Variants in SH3RF2 observed in about 807,000 individuals in gnomAD.
SH3RF2 encodes E3 ubiquitin-protein ligase SH3RF2.
SH3RF2 carries 43 observed loss-of-function variants against 59.0 expected under a neutral mutation model. The ratio of observed to expected loss-of-function variants is 0.73; its 90% confidence interval spans 0.57 to 0.94. SH3RF2 has a LOEUF of 0.94. Among genes scored for constraint, SH3RF2 ranks in the 40% least tolerant of loss-of-function variants. SH3RF2 has a pLI of 0.00. For synonymous variants in SH3RF2, 391 were observed against 391.5 expected, an observed-to-expected ratio of 1.00 and a Z score of 0.01; for missense variants, 930 against 940.1, an observed-to-expected ratio of 0.99 and a Z score of 0.14.
At chr5:145,957,983 C>T (rs1300874419) in intron 2 of SH3RF2, among the ~76,000 whole-genome samples, 1 of 152,008 alleles carries the variant, frequency 6.6e-6, no homozygotes, top group Non-Finnish European at 1.5e-5. Flanking sequence ...CATGGTGGCG[C>T]ATGCCTGTAA....
intron 5 of SH3RF2, among the ~76,000 whole-genome samples, chr5:146,041,808 G>A (rs1425103410): frequency 6.6e-6 from 1 of 152,166 alleles, no homozygotes; most frequent in Non-Finnish European, 1.5e-5. Flanking sequence ...ATGCACATCT[G>A]TAGTCCCAGC....
chr5:146,049,214 T>C lies in SH3RF2; in HGVS notation c.1291T>C (p.Phe431Leu). 1.2e-6 allele frequency: 2 copies of C among 1,613,500 alleles called. No individual in the cohort carries two copies. The highest frequency in any genetic ancestry group is 1.7e-6 in the Non-Finnish European group (2 of 1,179,718). The stretch of plus-strand genomic sequence containing the variant: ...CTTGGTCACCGGGCGAGTCGGCATC[T>C]TCCCAAACAATTACGTCATCCCCAT... ...VSLVTGRVGIFPNNYVIPIFR... is the reference protein window; with the variant it reads ...VSLVTGRVGILPNNYVIPIFR... Residue 431 changes from phenylalanine to leucine, a missense_variant, in exon 7 of 10, where the codon TTC (phenylalanine) becomes CTC (leucine). By Grantham distance (22) the Phe-to-Leu change is conservative. Coordinates refer to ENST00000359120, the MANE Select transcript of SH3RF2 (RefSeq NM_152550.4).
At chr5:146,008,618 G>A (rs772399446) in intron 4 of SH3RF2, among the ~76,000 whole-genome samples, 7 of 152,188 alleles carry the variant, frequency 4.6e-5, no homozygotes, top group Non-Finnish European at 7.4e-5. Context: ...CAGCTGAAAC[G>A]AGCTTTTTAT....
intron 2 of SH3RF2, among the ~76,000 whole-genome samples, chr5:145,999,036 C>A (rs1205739904): frequency 6.9e-6 from 1 of 144,262 alleles, no homozygotes; most frequent in African/African-American, 2.5e-5. Flanking sequence ...AAAAAAAAAA[C>A]CTTAATGATG....
At chr5:145,966,053 C>A (rs1000188456) in intron 2 of SH3RF2, among the ~76,000 whole-genome samples, 1 of 152,122 alleles carries the variant, frequency 6.6e-6, no homozygotes, top group African/African-American at 2.4e-5. Flanking sequence ...GAAGCCATGA[C>A]CTCACTCCTG....
intron 7 of SH3RF2, among the ~76,000 whole-genome samples, chr5:146,053,756 G>A (rs79214906): frequency 0.015 from 2,296 of 152,108 alleles, 28 homozygotes; most frequent in Non-Finnish European, 0.023. Flanking sequence ...TGCAACTTTC[G>A]CAGACATATG....
chr5:145,997,956 A>G, intron 2 of SH3RF2: 2 of 786,534 alleles, frequency 2.5e-6, no homozygotes, highest in Non-Finnish European at 2.3e-6. Flanking sequence ...CCCCAAGTTC[A>G]TGGATCACAG....
chr5:146,062,578 T>G lies in SH3RF2; in HGVS notation c.2067T>G (p.Phe689Leu). ...ASLGPEMTVL[F>L]AHRSGCHSGQ... ...TGGGCCCAGAGATGACCGTCCTATT[T>G]GCCCACCGAAGTGGCTGCCACTCCG... Residue 689 changes from phenylalanine (F) to leucine (L), a missense_variant, in exon 10 of 10, where the codon TTT becomes TTG. By Grantham distance (22) the Phe-to-Leu change is conservative. Transcript: ENST00000359120. The G allele has an allele frequency of 6.2e-7, 1 of 1,614,148 alleles. No individual in the cohort carries two copies. Among genetic ancestry groups the G allele is most frequent in the Non-Finnish European group, 8.5e-7 (1 of 1,180,010 alleles).
intron 5 of SH3RF2, among the ~76,000 whole-genome samples, chr5:146,038,999 C>G: frequency 6.6e-6 from 1 of 152,116 alleles, no homozygotes; most frequent in East Asian, 1.9e-4. Flanking sequence ...GCTGGAGAAC[C>G]TAGAAACAGA....
chr5:146,045,887 T>C (rs1452247010), intron 5 of SH3RF2, among the ~76,000 whole-genome samples: 1 of 152,250 alleles, frequency 6.6e-6, no homozygotes, highest in Non-Finnish European at 1.5e-5. Flanking sequence ...TGTTTAATCA[T>C]ATTAGGAATT....
intron 6 of SH3RF2, among the ~76,000 whole-genome samples, chr5:146,048,677 G>A (rs889178217): frequency 6.6e-6 from 1 of 152,124 alleles, no homozygotes; most frequent in Admixed American, 6.5e-5. Flanking sequence ...CCTGAATCTG[G>A]CAAACCAATG....
chr5:146,022,684 C>A (rs1761369361), intron 5 of SH3RF2, among the ~76,000 whole-genome samples: 1 of 151,904 alleles, frequency 6.6e-6, no homozygotes, highest in Non-Finnish European at 1.5e-5. Flanking sequence ...ACCAGCCTGG[C>A]CAACATGGAG....
intron 6 of SH3RF2, among the ~76,000 whole-genome samples, chr5:146,048,541 CA>C (rs375814964): frequency 5.2e-4 from 79 of 151,904 alleles, no homozygotes; most frequent in African/African-American, 1.9e-3. Flanking sequence ...AAAAACAAAA[CA>C]AAAAAAACCT....
intron 3 of SH3RF2, among the ~76,000 whole-genome samples, chr5:146,001,269 C>G (rs547832266): frequency 2.0e-5 from 3 of 152,306 alleles, no homozygotes; most frequent in Non-Finnish European, 4.4e-5. Flanking sequence ...GAGTTATTTT[C>G]ATTCTTGACT....
intron 2 of SH3RF2, among the ~76,000 whole-genome samples, chr5:145,993,360 A>G (rs1648929361): frequency 6.6e-6 from 1 of 152,126 alleles, no homozygotes; most frequent in Non-Finnish European, 1.5e-5. Flanking sequence ...CCGTCTTCTC[A>G]CAGCTCCACT....
intron 2 of SH3RF2, among the ~76,000 whole-genome samples, chr5:145,969,560 C>A (rs1758993604): frequency 1.3e-5 from 2 of 151,836 alleles, no homozygotes; most frequent in Non-Finnish European, 2.9e-5. Context: ...CATTAGAGGG[C>A]AAAACATGTT....
intron 2 of SH3RF2, among the ~76,000 whole-genome samples, chr5:145,994,743 T>C (rs1452328706): frequency 2.0e-5 from 3 of 152,150 alleles, no homozygotes; most frequent in Admixed American, 1.3e-4. Flanking sequence ...AGCCAAACCA[T>C]ATCATTTTCT....
intron 5 of SH3RF2, among the ~76,000 whole-genome samples, chr5:146,028,984 A>T (rs1221303577): frequency 6.6e-6 from 1 of 152,212 alleles, no homozygotes; most frequent in Non-Finnish European, 1.5e-5. Context: ...GCAGAGAAAC[A>T]TACATATGTA....
At position 145,997,092 on chromosome 5, in the gene SH3RF2, C is replaced by A. The variant is rs112676829; in HGVS notation, c.379-2966C>A. ...TGTGAAGGTTTGTTACACAGGTAAA[C>A]TCGTATCACGGGCATTTGTTGTGCA... On this transcript the variant is annotated intron_variant, in intron 2 of 9. Coordinates refer to ENST00000359120, the MANE Select transcript of SH3RF2 (RefSeq NM_152550.4). The A allele has an allele frequency of 6.0e-5, 35 of 585,390 alleles. 3 individuals are homozygous for A. Among genetic ancestry groups the A allele is most frequent in the African/African-American group, 4.8e-4 (26 of 53,822 alleles). 36.3% of individuals were successfully genotyped at this position (585,390 alleles called of 1,614,324 possible). A position where few individuals can be genotyped will look rare whatever the true frequency, so the allele number is the denominator to read the frequency against.
Sources: allele counts gnomAD v4.1 joint callset (sites outside exome capture counted in the v4.1 genomes callset), GRCh38; gene constraint gnomAD v4.1.1; transcripts MANE v1.5; gene names NCBI Gene and HGNC (gene_info 2026-07-23, HGNC 2026-07-21).